The following CSF2RB variants were observed in gnomAD, a reference collection of about 807,000 sequenced individuals.
The protein encoded by CSF2RB is cytokine receptor common subunit beta.
In CSF2RB, 22 loss-of-function variants were observed where a neutral mutation model predicts 67.2. The ratio of observed to expected loss-of-function variants is 0.33; its 90% CI spans 0.23 to 0.47. The LOEUF is 0.47. CSF2RB is among the 20% of genes least tolerant of loss of function. The pLI, the probability that CSF2RB is intolerant of heterozygous loss-of-function variation, is 1.00. For missense variants in CSF2RB, 1,113 were observed against 1,174.5 expected (o/e 0.95, Z 0.76); for synonymous variants, 507 against 482.9 (o/e 1.05, Z -0.65).
chr22:36,936,795 G>A, intron 13 of CSF2RB, 143 bp downstream of exon 13: 1 of 658,482 alleles, frequency 1.5e-6, no homozygotes, highest in East Asian at 2.7e-5. Flanking sequence ...AAAGCAGGAG[G>A]CACCTGGGGG....
At position 36,939,415 on chromosome 22, in the gene CSF2RB, G is replaced by A. The variant is rs997020358; in HGVS notation, c.*913G>A. 2 of 606,604 alleles carry A rather than the reference G, an allele frequency of 3.3e-6. No homozygotes were observed. Among genetic ancestry groups the A allele is most frequent in the Admixed American group, 2.7e-5 (1 of 37,264 alleles). The allele number at this position is 606,604 out of a possible 1,614,324, so 37.6% of individuals were successfully genotyped here. On this transcript the variant is annotated 3_prime_UTR_variant, in exon 14 of 14. Coordinates refer to ENST00000403662, the MANE Select transcript of CSF2RB (RefSeq NM_000395.3). ...TAGGGCCTTTGGTCCAAATGGCCCG[G>A]GTGGCCACTCTTCCAGATAGACCAG...
chr22:36,919,625 G>A (rs9610606), intron 1 of CSF2RB, among the ~76,000 whole-genome samples: 64,097 of 150,950 alleles, frequency 0.42, 16,166 homozygotes, highest in East Asian at 0.58. Flanking sequence ...TGGCCAGGCT[G>A]GTCTCAAACT....
At chr22:36,930,872 A>T in intron 8 of CSF2RB, 42 bp downstream of exon 8, 1 of 1,609,428 alleles carries the variant, frequency 6.2e-7, no homozygotes, top group Non-Finnish European at 8.5e-7. Context: ...GTCTGGGACC[A>T]GCACACCCTC....
chr22:36,918,466 G>T (rs577290315), intron 1 of CSF2RB, among the ~76,000 whole-genome samples: 72 of 152,258 alleles, frequency 4.7e-4, no homozygotes, highest in Middle Eastern at 3.4e-3. Flanking sequence ...CTTGCAAGAC[G>T]AAAAGTTTAC....
Position 36,926,055 on chromosome 22 carries a change from G to A in CSF2RB, c.269G>A (p.Arg90His), listed in dbSNP as rs138878623. Residue 90 changes from arginine to histidine, a missense_variant, in exon 4 of 14, where the codon CGC becomes CAC. By Grantham distance (29) the Arg-to-His change is conservative. This residue lies in a region of CSF2RB where 559 missense variants were observed against 656.5 expected (regional missense o/e 0.85). Transcript: ENST00000403662. ...DMPWSACPHP[R>H]CVPRRCVIPC... ...CCCTGGTCAGCCTGCCCCCATCCCC[G>A]CTGCGTGCCCAGGAGATGTGTCATT... The A allele has an allele frequency of 5.8e-5, 93 of 1,614,154 alleles. No homozygotes were observed. The East Asian group carries it at 6.0e-4, about 10-fold the overall frequency.
rs773833301 is a variant in CSF2RB, at chr22:36,932,916, T to C, written c.1152+12T>C. On this transcript the variant is annotated intron_variant, in intron 9 of 13. Transcript: ENST00000403662. Reference sequence around the variant, plus strand: ...CGGCCACGTGGAAGGTGAGGGCCTTTGCCCAGGGAGGGGAGAAACACTGGG... The same window carrying C: ...CGGCCACGTGGAAGGTGAGGGCCTTCGCCCAGGGAGGGGAGAAACACTGGG... 6.2e-6 allele frequency: 10 copies of C among 1,613,800 alleles called. No individual in the cohort carries two copies. Among genetic ancestry groups the C allele is most frequent in the Non-Finnish European group, 8.5e-6 (10 of 1,179,888 alleles).
intron 1 of CSF2RB, among the ~76,000 whole-genome samples, chr22:36,915,995 C>T (rs538800558): frequency 3.7e-4 from 57 of 152,188 alleles, no homozygotes; most frequent in African/African-American, 1.3e-3. Flanking sequence ...TCATTTATTA[C>T]GTGTATTAAT....
At chr22:36,933,372 A>G (rs1374220737) in intron 9 of CSF2RB, among the ~76,000 whole-genome samples, 1 of 152,126 alleles carries the variant, frequency 6.6e-6, no homozygotes, top group Non-Finnish European at 1.5e-5. Flanking sequence ...CCAACCCCAC[A>G]CCTTCAGTCT....
At position 36,932,912 on chromosome 22, in the gene CSF2RB, C is replaced by T; in HGVS notation, c.1152+8C>T. 6.2e-7 allele frequency: 1 copy of T among 1,613,908 alleles called. No homozygotes were observed. On this transcript the variant is annotated splice_region_variant and intron_variant, in intron 9 of 13. Transcript: ENST00000403662. ...GACACGGCCACGTGGAAGGTGAGGG[C>T]CTTTGCCCAGGGAGGGGAGAAACAC...
Position 36,929,662 on chromosome 22 carries a change from C to A in CSF2RB, c.573C>A (p.Asn191Lys), listed in dbSNP as rs140679574. 1.2e-6 allele frequency: 2 copies of A among 1,614,124 alleles called. No individual in the cohort carries two copies. Among genetic ancestry groups the A allele is most frequent in the Non-Finnish European group, 1.7e-6 (2 of 1,180,048 alleles). The part of the protein sequence containing the change: ...SWEDAAILLS[N>K]TSQATLGPEH... ...AGGACGCAGCCATCCTCCTCTCCAA[C>A]ACCTCCCAGGCCACCCTGGGGCCAG... Residue 191 changes from asparagine (N) to lysine (K), a missense_variant, in exon 6 of 14, where the codon AAC becomes AAA. Around this residue, in one of 2 missense-constraint regions of CSF2RB, gnomAD observed 559 missense variants for 656.5 expected, o/e 0.85. Coordinates refer to ENST00000403662, the MANE Select transcript of CSF2RB (RefSeq NM_000395.3).
chr22:36,913,840 C>G (rs1189263699), intron 1 of CSF2RB, among the ~76,000 whole-genome samples, 163 bp downstream of exon 1: 1 of 152,014 alleles, frequency 6.6e-6, no homozygotes, highest in African/African-American at 2.4e-5. Context: ...TTAGGATGAC[C>G]TGAGCCCAGA....
chr22:36,932,743 C>T, intron 8 of CSF2RB, 22 bp from the exon 9 acceptor site: 1 of 1,611,450 alleles, frequency 6.2e-7, no homozygotes, highest in Admixed American at 1.7e-5. Context: ...GATGACTCTC[C>T]TGAAAGCTTC....
chr22:36,927,603 A>T (rs1451680113), intron 4 of CSF2RB, among the ~76,000 whole-genome samples: 1 of 152,130 alleles, frequency 6.6e-6, no homozygotes, highest in Non-Finnish European at 1.5e-5. Context: ...CAGCGGTGGG[A>T]AGAAGCAGGA....
At position 36,938,257 on chromosome 22, in the gene CSF2RB, C is replaced by A; in HGVS notation, c.2449C>A (p.Gln817Lys). 1 of 1,614,196 alleles carries A rather than the reference C, an allele frequency of 6.2e-7. No homozygotes were observed. The highest frequency in any genetic ancestry group is 1.1e-5 in the South Asian group (1 of 91,082). Residue 817 changes from glutamine to lysine, a missense_variant, in exon 14 of 14, where the codon CAG (glutamine) becomes AAG (lysine). This residue lies in a region of CSF2RB where 554 missense variants were observed against 517.9 expected (regional missense o/e 1.07). Transcript: ENST00000403662. ...SPQPEGLLVL[Q>K]QVGDYCFLPG... Reference sequence around the variant, plus strand: ...ACAGCCCGAGGGCCTCCTTGTCCTGCAGCAAGTGGGCGACTATTGCTTCCT... The same window carrying A: ...ACAGCCCGAGGGCCTCCTTGTCCTGAAGCAAGTGGGCGACTATTGCTTCCT...
At chr22:36,935,189 G>T (rs1042421679) in intron 10 of CSF2RB, among the ~76,000 whole-genome samples, 162 bp from the exon 11 acceptor site, 3 of 152,118 alleles carry the variant, frequency 2.0e-5, no homozygotes, top group African/African-American at 7.2e-5. Context: ...TCCCAGCATG[G>T]ATCTGGCCTC....
chr22:36,938,878 A>T lies in CSF2RB; in HGVS notation c.*376A>T. ...CTGATTTATTATGAGAGTGGGGCTG[A>T]GGTCTGAGCTGAGCCTTATCAGACT... is the stretch of plus-strand genomic sequence containing the variant. On this transcript the variant is annotated 3_prime_UTR_variant, in exon 14 of 14. Transcript: ENST00000403662. The T allele has an allele frequency of 1.8e-6, 1 of 551,640 alleles. No individual in the cohort carries two copies. Among genetic ancestry groups the T allele is most frequent in the South Asian group, 2.7e-5 (1 of 36,840 alleles). The allele number at this position is 551,640 out of a possible 1,614,324, so 34.2% of individuals were successfully genotyped here. A position where few individuals can be genotyped will look rare whatever the true frequency, so the allele number is the denominator to read the frequency against.
rs1219072081 is a variant in CSF2RB, at chr22:36,935,427, C to A, written c.1392C>A (p.Gly464=). 1 of 1,614,184 alleles carries A rather than the reference C, an allele frequency of 6.2e-7. No homozygotes were observed. Among genetic ancestry groups the A allele is most frequent in the Non-Finnish European group, 8.5e-7 (1 of 1,180,018 alleles). Residue 464 remains glycine (G), a synonymous_variant, in exon 11 of 14, where the codon GGC becomes GGA. Coordinates refer to ENST00000403662, the MANE Select transcript of CSF2RB (RefSeq NM_000395.3). ...TGCTCCTGGCCCTCCGCTTCTGTGG[C>A]ATCTACGGGTACAGGTGAGGGGACT... ...IAVLLALRFC[G]IYGYRLRRKW...
At position 36,938,205 on chromosome 22, in the gene CSF2RB, C is replaced by G. The variant is rs1431650324; in HGVS notation, c.2397C>G (p.Arg799=). The G allele has an allele frequency of 1.9e-6, 3 of 1,614,042 alleles. No individual in the cohort carries two copies. The highest frequency in any genetic ancestry group is 2.5e-6 in the Non-Finnish European group (3 of 1,180,008). ...AKSPVLNPGE[R]PADVSPTSPQ... is the part of the protein sequence containing the mutation. ...GCCCTGTCCTGAACCCAGGGGAACG[C>G]CCGGCAGATGTGTCCCCAACATCCC... The change falls in exon 14 of 14, where the codon CGC becomes CGG. Residue 799 remains arginine (R), a synonymous_variant. Transcript: ENST00000403662.
At chr22:36,936,441 C>G (rs1024051361) in intron 12 of CSF2RB, 108 bp from the exon 13 acceptor site, 4 of 853,054 alleles carry the variant, frequency 4.7e-6, no homozygotes, top group Non-Finnish European at 7.8e-6. Context: ...GGAGATTCTT[C>G]TCTTGTCTGG....
Sources: allele counts gnomAD v4.1 joint callset (sites outside exome capture counted in the v4.1 genomes callset), GRCh38; gene constraint gnomAD v4.1.1; regional missense constraint gnomAD v4.1.1; transcripts MANE v1.5; gene names NCBI Gene and HGNC (gene_info 2026-07-23, HGNC 2026-07-21).